The following XKR6 variants were observed in gnomAD, a reference collection of about 807,000 sequenced individuals.
XKR6 encodes the protein XK-related protein 6.
Under a neutral mutation model 56.7 loss-of-function variants are expected in XKR6, and 22 were observed. The observed-to-expected ratio is 0.39, with a 90% CI of 0.28 to 0.55. XKR6 has a LOEUF of 0.55. Ranked by LOEUF, XKR6 falls within the 20% of genes least tolerant of loss-of-function variation. The probability of loss-of-function intolerance (pLI) is 0.66; values close to 1 mark genes in which losing one functional copy is unlikely to be tolerated. For synonymous variants in XKR6, 524 were observed against 387.8 expected (o/e 1.35, Z -4.13); for missense variants, 852 against 889.0 (o/e 0.96, Z 0.53).
At chr8:11,023,856 G>A (rs1280074359) in intron 1 of XKR6, among the ~76,000 whole-genome samples, 2 of 152,186 alleles carry the variant, frequency 1.3e-5, no homozygotes, top group African/African-American at 2.4e-5. Flanking sequence ...ACCAGGGTAC[G>A]ATGTCCTTCT....
intron 1 of XKR6, chr8:11,104,552 C>T (rs1250134075): frequency 6.6e-6 from 1 of 152,214 alleles, no homozygotes; most frequent in African/African-American, 2.4e-5. Flanking sequence ...TCTCTTCCTT[C>T]AGGGCGCTTT....
chr8:10,896,842 A>C lies in XKR6; in HGVS notation c.*1110T>G, dbSNP rs528972664. The C allele has an allele frequency of 3.7e-4, 56 of 152,714 alleles. 1 individual carries two copies. In the South Asian group the frequency reaches 7.5e-3, roughly 20 times the overall value. The allele number at this position is 152,714 out of a possible 1,614,324, so 9.5% of individuals were successfully genotyped here. A position where few individuals can be genotyped will look rare whatever the true frequency, so the allele number is the denominator to read the frequency against. On this transcript the variant is annotated 3_prime_UTR_variant, in exon 3 of 3. Transcript: ENST00000416569. ...AATTTAAGGCTTCCCACCAAATGGA[A>C]ACAGAAGAGGCTTTACACAATATCA...
intron 1 of XKR6, among the ~76,000 whole-genome samples, chr8:11,164,716 C>T (rs1801984871): frequency 6.6e-6 from 1 of 152,196 alleles, no homozygotes; most frequent in Non-Finnish European, 1.5e-5. Context: ...TTTTCTTTTC[C>T]ATCCATTAAT....
chr8:11,064,455 C>T (rs1799926700), intron 1 of XKR6, among the ~76,000 whole-genome samples: 1 of 151,748 alleles, frequency 6.6e-6, no homozygotes, highest in Non-Finnish European at 1.5e-5. Context: ...AAGAAAGCCC[C>T]AACATCTTAA....
At chr8:10,968,013 C>A (rs1228743115) in intron 1 of XKR6, among the ~76,000 whole-genome samples, 1 of 152,206 alleles carries the variant, frequency 6.6e-6, no homozygotes, top group Non-Finnish European at 1.5e-5. Flanking sequence ...CCTCCGGGCT[C>A]AGGGGCCACC....
intron 2 of XKR6, among the ~76,000 whole-genome samples, chr8:10,915,089 T>C (rs1384690651): frequency 6.6e-6 from 1 of 152,174 alleles, no homozygotes; most frequent in East Asian, 1.9e-4. Context: ...TCCCTTCCCT[T>C]CTCTCTTCCC....
intron 1 of XKR6, among the ~76,000 whole-genome samples, chr8:11,038,497 TTGTGTGTGTGTGTGTGTGTGTG>T (rs34388531): frequency 1.0e-4 from 13 of 130,214 alleles, no homozygotes; most frequent in African/African-American, 2.6e-4. Context: ...TGTAGTCATT[TTGTGTGTGTGTGTGTGTGTGTG>T]TGTGTGTGTG....
intron 1 of XKR6, among the ~76,000 whole-genome samples, chr8:11,125,368 G>C (rs1280862920): frequency 6.6e-6 from 1 of 152,170 alleles, no homozygotes; most frequent in African/African-American, 2.4e-5. Flanking sequence ...GACACCTTTA[G>C]GTGTGCTCAG....
intron 1 of XKR6, among the ~76,000 whole-genome samples, chr8:11,182,439 G>A (rs927215993): frequency 3.9e-5 from 6 of 152,230 alleles, no homozygotes; most frequent in African/African-American, 1.4e-4. Flanking sequence ...CTGTGCTGTA[G>A]AAGTGCAAGT....
At chr8:11,117,695 C>A (rs1366215163) in intron 1 of XKR6, among the ~76,000 whole-genome samples, 1 of 151,540 alleles carries the variant, frequency 6.6e-6, no homozygotes, top group African/African-American at 2.4e-5. Flanking sequence ...ACCCTAGGAG[C>A]CAAAAAAGAA....
intron 1 of XKR6, among the ~76,000 whole-genome samples, chr8:11,113,050 C>T (rs1027965006): frequency 4.6e-5 from 7 of 152,080 alleles, no homozygotes; most frequent in African/African-American, 1.7e-4. Flanking sequence ...TACAATTTGC[C>T]TTCTGTAGCA....
intron 2 of XKR6, among the ~76,000 whole-genome samples, chr8:10,903,463 T>G (rs549492668): frequency 2.0e-5 from 3 of 152,250 alleles, no homozygotes; most frequent in African/African-American, 7.2e-5. Context: ...CTACATGCAT[T>G]TTCTTATTGA....
chr8:10,993,315 G>C (rs1166109743), intron 1 of XKR6, among the ~76,000 whole-genome samples: 1 of 152,246 alleles, frequency 6.6e-6, no homozygotes, highest in Non-Finnish European at 1.5e-5. Context: ...CTGCAGTCAG[G>C]AAGCCAAGGG....
At chr8:10,966,210 T>G (rs1470770002) in intron 1 of XKR6, among the ~76,000 whole-genome samples, 1 of 152,060 alleles carries the variant, frequency 6.6e-6, no homozygotes, top group Non-Finnish European at 1.5e-5. Flanking sequence ...TCTCATTCAG[T>G]ATGTCGAGGG....
At chr8:11,138,794 A>C (rs1000643317) in intron 1 of XKR6, among the ~76,000 whole-genome samples, 24 of 152,246 alleles carry the variant, frequency 1.6e-4, no homozygotes, top group African/African-American at 5.3e-4. Context: ...GAATTTTCAC[A>C]AAATGACTAA....
At chr8:10,915,779 G>A (rs555073406) in intron 2 of XKR6, among the ~76,000 whole-genome samples, 148 of 152,334 alleles carry the variant, frequency 9.7e-4, no homozygotes, top group Non-Finnish European at 1.5e-3. Flanking sequence ...GAGAAACACA[G>A]AGCTAGAGAA....
intron 1 of XKR6, among the ~76,000 whole-genome samples, chr8:11,097,971 C>T (rs1362726259): frequency 6.6e-6 from 1 of 151,754 alleles, no homozygotes; most frequent in African/African-American, 2.4e-5. Context: ...CCATCAAATA[C>T]GTAATATCAA....
At chr8:10,963,064 T>C (rs1319104762) in intron 1 of XKR6, among the ~76,000 whole-genome samples, 1 of 152,224 alleles carries the variant, frequency 6.6e-6, no homozygotes, top group Non-Finnish European at 1.5e-5. Context: ...GTCAGCAGAC[T>C]GAACGCCCAA....
At chr8:10,983,448 A>G (rs1797780552) in intron 1 of XKR6, among the ~76,000 whole-genome samples, 1 of 152,078 alleles carries the variant, frequency 6.6e-6, no homozygotes, top group Non-Finnish European at 1.5e-5. Context: ...AGAAAAATAT[A>G]AATTACCAAA....
Sources: allele counts gnomAD v4.1 joint callset (sites outside exome capture counted in the v4.1 genomes callset), GRCh38; gene constraint gnomAD v4.1.1; transcripts MANE v1.5; gene names NCBI Gene and HGNC (gene_info 2026-07-23, HGNC 2026-07-21).